ACRV1: variants seen among roughly 807,000 people sequenced by gnomAD.
The protein encoded by ACRV1 is acrosomal protein SP-10.
ACRV1 carries 17 observed loss-of-function variants against 29.2 expected under a neutral mutation model. The observed-to-expected ratio is 0.58, with a 90% CI of 0.40 to 0.87. ACRV1 has a LOEUF of 0.87. ACRV1 is among the 40% of genes least tolerant of loss of function. The pLI, the probability that ACRV1 is intolerant of heterozygous loss-of-function variation, is 0.00. For synonymous variants in ACRV1, 98 were observed against 111.6 expected, an observed-to-expected ratio of 0.88 and a Z score of 0.77; for missense variants, 294 against 316.0, an observed-to-expected ratio of 0.93 and a Z score of 0.53.
Position 125,676,402 on chromosome 11 carries a change from G to A in ACRV1, c.630C>T (p.Ile210=), listed in dbSNP as rs567416194. ...GKCLRGEGTC[I]TQNSQQCMLK... is the part of the protein sequence containing the mutation. ...ACATGCACTGCTGGGAATTCTGAGT[G>A]ATGCAGGTTCCCTCTCCACGAAGAC... is the stretch of plus-strand genomic sequence containing the variant. The change falls in exon 3 of 4, where the codon ATC becomes ATT. Residue 210 remains isoleucine (I), a synonymous_variant. Coordinates refer to ENST00000533904, the MANE Select transcript of ACRV1 (RefSeq NM_001612.6). 40 of 1,614,156 alleles carry A rather than the reference G, an allele frequency of 2.5e-5. No homozygotes were observed. In the South Asian group the frequency reaches 3.8e-4, roughly 16 times the overall value.
At position 125,677,931 on chromosome 11, in the gene ACRV1, G is replaced by T. The variant is rs1342399981; in HGVS notation, c.419C>A (p.Ser140Ter). Reference protein sequence around the residue: ...LSELESGEQPSDEQPSGEHGS... With the variant: ...LSELESGEQP ...ATGTTCACCTGAAGGCTGTTCATCT[G>T]AAGGCTGTTCACCTGACTCAAGCTC... Residue 140 changes from serine to a stop codon, truncating the protein, a stop_gained, in exon 2 of 4, where the codon TCA becomes TAA. Transcript: ENST00000533904. LOFTEE classifies it high-confidence loss of function. 1 of 1,614,020 alleles carries T rather than the reference G, an allele frequency of 6.2e-7. No individual in the cohort carries two copies. Among genetic ancestry groups the T allele is most frequent in the Non-Finnish European group, 8.5e-7 (1 of 1,180,024 alleles).
At chr11:125,672,980 T>G (rs1406496897) in intron 3 of ACRV1, among the ~76,000 whole-genome samples, 1 of 152,092 alleles carries the variant, frequency 6.6e-6, no homozygotes, top group Non-Finnish European at 1.5e-5. Context: ...AAATACTTTC[T>G]CTTAATCGTG....
At position 125,672,342 on chromosome 11, in the gene ACRV1, C is replaced by G; in HGVS notation, c.*251G>C. The G allele has an allele frequency of 2.3e-6, 1 of 428,546 alleles. No individual in the cohort carries two copies. The highest frequency in any genetic ancestry group is 4.1e-6 in the Non-Finnish European group (1 of 241,706). The allele number at this position is 428,546 out of a possible 1,614,324, so 26.5% of individuals were successfully genotyped here. A position where few individuals can be genotyped will look rare whatever the true frequency, so the allele number is the denominator to read the frequency against. ...TCTGTCTTGAGCCTGTGTGCTTTAA[C>G]CATGTGAAATTTATTGAAAAAAAAA... On this transcript the variant is annotated 3_prime_UTR_variant, in exon 4 of 4. Transcript: ENST00000533904.
At chr11:125,673,731 A>G (rs1218541237) in intron 3 of ACRV1, among the ~76,000 whole-genome samples, 1 of 152,192 alleles carries the variant, frequency 6.6e-6, no homozygotes, top group Admixed American at 6.5e-5. Flanking sequence ...AGTTTCCTTT[A>G]TATACTTCCT....
chr11:125,677,874 G>A lies in ACRV1; in HGVS notation c.476C>T (p.Ala159Val), dbSNP rs1942593526. 6.2e-6 allele frequency: 10 copies of A among 1,613,956 alleles called. No homozygotes were observed. Among genetic ancestry groups the A allele is most frequent in the Non-Finnish European group, 8.5e-6 (10 of 1,179,998 alleles). ...CTCACCTGAAGGCTGTTCACCCGAGGCCTGCTCACCAGAAGGCTGTTCACC... is the reference window on the plus strand; with the variant it reads ...CTCACCTGAAGGCTGTTCACCCGAGACCTGCTCACCAGAAGGCTGTTCACC... ...GSGEQPSGEQASGEQPSGEHA... is the reference protein window; with the variant it reads ...GSGEQPSGEQVSGEQPSGEHA... The change falls in exon 2 of 4, where the codon GCC becomes GTC. Residue 159 changes from alanine to valine, a missense_variant. By Grantham distance (64) the Ala-to-Val change is moderately conservative. Coordinates refer to ENST00000533904, the MANE Select transcript of ACRV1 (RefSeq NM_001612.6).
intron 3 of ACRV1, among the ~76,000 whole-genome samples, chr11:125,673,318 C>A (rs1942303474): frequency 6.6e-6 from 1 of 151,962 alleles, no homozygotes; most frequent in Non-Finnish European, 1.5e-5. Flanking sequence ...GATTGTCCTC[C>A]CTCAGCCTCC....
chr11:125,674,527 G>T (rs1049865563), intron 3 of ACRV1, among the ~76,000 whole-genome samples: 1 of 152,208 alleles, frequency 6.6e-6, no homozygotes, highest in Non-Finnish European at 1.5e-5. Context: ...GATGCAGAAT[G>T]AGTGAAAAGA....
In ACRV1 at chr11:125,677,881, C is replaced by T; in HGVS notation, c.469G>A (p.Glu157Lys). ...GAAGGCTGTTCACCCGAGGCCTGCTCACCAGAAGGCTGTTCACCGGAGCCA... is the reference window on the plus strand; with the variant it reads ...GAAGGCTGTTCACCCGAGGCCTGCTTACCAGAAGGCTGTTCACCGGAGCCA... ...EHGSGEQPSGEQASGEQPSGE... is the reference protein window; with the variant it reads ...EHGSGEQPSGKQASGEQPSGE... The change falls in exon 2 of 4, where the codon GAG becomes AAG. Residue 157 changes from glutamate to lysine, a missense_variant. By Grantham distance (56) the Glu-to-Lys change is moderately conservative. Transcript: ENST00000533904. The T allele has an allele frequency of 6.2e-7, 1 of 1,614,052 alleles. No individual in the cohort carries two copies. The highest frequency in any genetic ancestry group is 1.7e-5 in the Admixed American group (1 of 60,018).
At chr11:125,674,317 G>C (rs999323651) in intron 3 of ACRV1, among the ~76,000 whole-genome samples, 1 of 152,164 alleles carries the variant, frequency 6.6e-6, no homozygotes, top group African/African-American at 2.4e-5. Context: ...TTGGTATTTT[G>C]ATTAAGGGGG....
intron 1 of ACRV1, among the ~76,000 whole-genome samples, chr11:125,680,006 T>A (rs1942721871): frequency 6.6e-6 from 1 of 152,236 alleles, no homozygotes. Context: ...GATCTTATAG[T>A]TTATGACTCG....
At chr11:125,680,224 G>C (rs974486845) in intron 1 of ACRV1, among the ~76,000 whole-genome samples, 2 of 152,184 alleles carry the variant, frequency 1.3e-5, no homozygotes, top group Non-Finnish European at 2.9e-5. Context: ...ATGAATGGGG[G>C]ATCCCAAAAG....
At chr11:125,678,960 A>T in intron 1 of ACRV1, among the ~76,000 whole-genome samples, 1 of 127,374 alleles carries the variant, frequency 7.9e-6, no homozygotes, top group Non-Finnish European at 1.7e-5. Context: ...AAGGTAAAAA[A>T]AAAAAAGTCT....
In ACRV1 at chr11:125,672,543, T is replaced by TG. The variant is rs886979764; in HGVS notation, c.*49dup. 2.5e-6 allele frequency: 4 copies of TG among 1,604,960 alleles called. No individual in the cohort carries two copies. Among genetic ancestry groups the TG allele is most frequent in the Admixed American group, 1.7e-5 (1 of 58,702 alleles). On this transcript the variant is annotated 3_prime_UTR_variant, in exon 4 of 4. Transcript: ENST00000533904. The stretch of plus-strand genomic sequence containing the variant: ...TAAATATAAAATGAGCCAAATAGAG[T>TG]GATGGAGGCTTTTTACTGCCTGAGT...
At position 125,671,853 on chromosome 11, in the gene ACRV1, T is replaced by C. The variant is rs571415959; in HGVS notation, c.*740A>G. ...AGATGAGACCGTGTATGTGAAAACA[T>C]CTTGAAGAACATAACACTTATATGA... On this transcript the variant is annotated 3_prime_UTR_variant, in exon 4 of 4. Transcript: ENST00000533904. The C allele has an allele frequency of 6.6e-6, 1 of 152,344 alleles. No individual in the cohort carries two copies. Among genetic ancestry groups the C allele is most frequent in the African/African-American group, 2.4e-5 (1 of 41,570 alleles). 9.4% of individuals were successfully genotyped at this position (152,344 alleles called of 1,614,324 possible).
chr11:125,677,965 G>T lies in ACRV1; in HGVS notation c.385C>A (p.Pro129Thr), dbSNP rs751973673. 2 of 1,612,248 alleles carry T rather than the reference G, an allele frequency of 1.2e-6. No individual in the cohort carries two copies. The highest frequency in any genetic ancestry group is 1.7e-6 in the Non-Finnish European group (2 of 1,178,712). ...PSGEHLSGEQPLSELESGEQP... is the reference protein window; with the variant it reads ...PSGEHLSGEQTLSELESGEQP... ...TCACCTGACTCAAGCTCACTCAAAG[G>T]CTGTTCTCCGGAGAGGTGTTCACCT... is the stretch of plus-strand genomic sequence containing the variant. Residue 129 changes from proline to threonine, a missense_variant, in exon 2 of 4, where the codon CCT becomes ACT. Transcript: ENST00000533904.
intron 1 of ACRV1, among the ~76,000 whole-genome samples, chr11:125,679,151 A>T (rs1195086417): frequency 6.7e-6 from 1 of 149,542 alleles, no homozygotes; most frequent in Non-Finnish European, 1.5e-5. Context: ...TACACTGGGA[A>T]TTACAAAACT....
At chr11:125,679,975 TA>T (rs1172290949) in intron 1 of ACRV1, among the ~76,000 whole-genome samples, 1 of 152,212 alleles carries the variant, frequency 6.6e-6, no homozygotes, top group African/African-American at 2.4e-5. Context: ...AAAGGAGACA[TA>T]AAAAGCATGC....
Position 125,673,499 on chromosome 11 carries a change from C to T in ACRV1, c.674-782G>A, listed in dbSNP as rs1942316067. Among the ~76,000 whole-genome samples the T allele has an allele frequency of 2.0e-5, 3 of 152,256 alleles. No individual in the cohort carries two copies. In the South Asian group the frequency reaches 6.2e-4, roughly 32 times the overall value. ...TACAGGCGTGAGCCACTGCACCTGG[C>T]CTGAAACTACACCCTTTCTTGATAC... is the stretch of plus-strand genomic sequence containing the variant. On this transcript the variant is annotated intron_variant, in intron 3 of 3. Coordinates refer to ENST00000533904, the MANE Select transcript of ACRV1 (RefSeq NM_001612.6).
At chr11:125,673,927 G>A (rs749317628) in intron 3 of ACRV1, among the ~76,000 whole-genome samples, 1 of 152,180 alleles carries the variant, frequency 6.6e-6, no homozygotes, top group Non-Finnish European at 1.5e-5. Flanking sequence ...GGGAGGCCGA[G>A]GCAGGTGGAT....
Sources: allele counts gnomAD v4.1 joint callset (sites outside exome capture counted in the v4.1 genomes callset), GRCh38; gene constraint gnomAD v4.1.1; transcripts MANE v1.5; gene names NCBI Gene and HGNC (gene_info 2026-07-23, HGNC 2026-07-21).